TMED3: variants seen among roughly 807,000 people sequenced by gnomAD.
The protein encoded by TMED3 is transmembrane emp24 domain-containing protein 3.
In TMED3, 9 loss-of-function variants were observed where a neutral mutation model predicts 15.0. That is an observed-to-expected ratio of 0.60 (90% CI 0.36 to 1.04). The LOEUF (loss-of-function observed/expected upper bound fraction) is 1.04, where lower values mean the gene tolerates loss of function less well. TMED3 is among the 50% of genes least tolerant of loss of function. The probability of loss-of-function intolerance (pLI) is 0.01; values close to 1 mark genes in which losing one functional copy is unlikely to be tolerated. For synonymous variants in TMED3, 117 were observed against 121.4 expected, an observed-to-expected ratio of 0.96 and a Z score of 0.24; for missense variants, 267 against 278.9, an observed-to-expected ratio of 0.96 and a Z score of 0.30.
chr15:79,366,633 G>A (rs139453852), intron 2 of TMED3, among the ~76,000 whole-genome samples: 7 of 152,308 alleles, frequency 4.6e-5, no homozygotes, highest in Admixed American at 3.9e-4. Flanking sequence ...GTGCCCAGCA[G>A]GCTCCTAAGA....
At position 79,376,092 on chromosome 15, in the gene TMED3, GTTTTTTTTTTTTTTTTTTTT is replaced by G. The variant is rs199728545; in HGVS notation, c.418-35292_418-35273del. Among the ~76,000 whole-genome samples, 77 of 112,078 alleles carry G rather than the reference GTTTTTTTTTTTTTTTTTTTT, an allele frequency of 6.9e-4. 1 individual carries two copies. The highest frequency in any genetic ancestry group is 1.5e-3 in the South Asian group (5 of 3,424). The allele number at this position is 112,078 out of a possible 152,430, so 73.5% of individuals were successfully genotyped here. ...CTTACTTCATCTATTCTAGAGAAAG[GTTTTTTTTTTTTTTTTTTTT>G]TTTTTTTTTTTTTTTGAGACGAAGT... On this transcript the variant is annotated intron_variant, in intron 2 of 2. Transcript: ENST00000424155.
intron 2 of TMED3, among the ~76,000 whole-genome samples, chr15:79,334,982 TC>T (rs2058822216): frequency 6.6e-6 from 1 of 151,962 alleles, no homozygotes; most frequent in South Asian, 2.1e-4. Flanking sequence ...ACTGCTGAAA[TC>T]AAGGGAGGGA....
intron 2 of TMED3, among the ~76,000 whole-genome samples, chr15:79,393,861 A>G (rs2141254700): frequency 6.6e-6 from 1 of 151,736 alleles, no homozygotes; most frequent in South Asian, 2.1e-4. Flanking sequence ...TTGCCCAACT[A>G]ATTTTTTAAA....
intron 2 of TMED3, among the ~76,000 whole-genome samples, chr15:79,364,045 A>G (rs1893181807): frequency 6.6e-6 from 1 of 152,216 alleles, no homozygotes; most frequent in Non-Finnish European, 1.5e-5. Flanking sequence ...CAACCAGGAA[A>G]AATTAGGCAT....
At chr15:79,408,152 A>G (rs962691403) in intron 2 of TMED3, among the ~76,000 whole-genome samples, 4 of 152,242 alleles carry the variant, frequency 2.6e-5, no homozygotes, top group Non-Finnish European at 5.9e-5. Flanking sequence ...CAAGGAAAAC[A>G]TTCTTCATCT....
chr15:79,398,552 G>A (rs1431487827), intron 2 of TMED3, among the ~76,000 whole-genome samples: 1 of 147,738 alleles, frequency 6.8e-6, no homozygotes, highest in East Asian at 2.1e-4. Flanking sequence ...CTGAGAACGG[G>A]AAGCTGTGAG....
At chr15:79,401,907 A>C (rs56159876) in intron 2 of TMED3, among the ~76,000 whole-genome samples, 5,073 of 152,212 alleles carry the variant, frequency 0.033, 272 homozygotes, top group African/African-American at 0.11. Flanking sequence ...GTCACTTTGG[A>C]GGAGGCATTC....
At chr15:79,346,851 A>G (rs1414121355) in intron 2 of TMED3, among the ~76,000 whole-genome samples, 2 of 152,104 alleles carry the variant, frequency 1.3e-5, no homozygotes, top group Non-Finnish European at 2.9e-5. Context: ...TACTTGAAAC[A>G]TCATCAATAA....
intron 2 of TMED3, among the ~76,000 whole-genome samples, chr15:79,344,086 G>A (rs1209203247): frequency 6.6e-6 from 1 of 152,174 alleles, no homozygotes. Context: ...AGACAGAAAA[G>A]CAGGTCTAGA....
intron 2 of TMED3, among the ~76,000 whole-genome samples, chr15:79,347,797 A>C (rs1416341864): frequency 1.3e-5 from 2 of 152,238 alleles, no homozygotes; most frequent in Non-Finnish European, 2.9e-5. Context: ...CCACAAAAAG[A>C]ATAAATACCT....
At chr15:79,396,258 TG>T (rs1024643448) in intron 2 of TMED3, among the ~76,000 whole-genome samples, 3 of 152,212 alleles carry the variant, frequency 2.0e-5, no homozygotes, top group Admixed American at 6.5e-5. Context: ...CAACATTTGG[TG>T]GTATAAAGCA....
downstream of TMED3, among the ~76,000 whole-genome samples, chr15:79,324,077 C>A (rs983953601): frequency 3.3e-5 from 5 of 152,110 alleles, no homozygotes; most frequent in Admixed American, 1.3e-4. Context: ...AGCAACCTCC[C>A]CCTCCTGGGT....
chr15:79,356,074 TTGTC>T (rs71451764), intron 2 of TMED3, among the ~76,000 whole-genome samples: 14,216 of 152,166 alleles, frequency 0.093, 702 homozygotes, highest in Admixed American at 0.12. Flanking sequence ...GACATTCTGA[TTGTC>T]TGTTTGCCCA....
chr15:79,319,762 G>T (rs2058756634), intron 2 of TMED3, among the ~76,000 whole-genome samples: 2 of 152,194 alleles, frequency 1.3e-5, no homozygotes, highest in African/African-American at 2.4e-5. Context: ...CCACTGGACA[G>T]GGGGCCCTTC....
At chr15:79,389,076 A>G (rs1893664558) in intron 2 of TMED3, among the ~76,000 whole-genome samples, 1 of 152,186 alleles carries the variant, frequency 6.6e-6, no homozygotes, top group Admixed American at 6.5e-5. Flanking sequence ...TTTGCTGTGC[A>G]AAAGCTATTT....
chr15:79,410,394 G>T (rs141310573), intron 2 of TMED3, among the ~76,000 whole-genome samples: 5 of 152,128 alleles, frequency 3.3e-5, no homozygotes, highest in Non-Finnish European at 7.3e-5. Flanking sequence ...AGAGGGTGAC[G>T]CTGTCATCTA....
intron 2 of TMED3, among the ~76,000 whole-genome samples, chr15:79,396,791 T>G (rs1893768428): frequency 2.0e-5 from 3 of 152,260 alleles, no homozygotes; most frequent in African/African-American, 7.2e-5. Flanking sequence ...ATTCTGAGTT[T>G]CAAGGACTTA....
intron 2 of TMED3, among the ~76,000 whole-genome samples, chr15:79,405,419 T>C (rs1192302475): frequency 6.6e-6 from 1 of 152,188 alleles, no homozygotes; most frequent in Non-Finnish European, 1.5e-5. Context: ...TAGAGAATCC[T>C]CTCTCACTCG....
intron 2 of TMED3, among the ~76,000 whole-genome samples, chr15:79,403,444 C>G (rs1226666332): frequency 6.6e-6 from 1 of 151,988 alleles, no homozygotes; most frequent in Non-Finnish European, 1.5e-5. Context: ...GGAACTCTAA[C>G]TTTTCTTACC....
Sources: allele counts gnomAD v4.1 joint callset (sites outside exome capture counted in the v4.1 genomes callset), GRCh38; gene constraint gnomAD v4.1.1; transcripts MANE v1.5; gene names NCBI Gene and HGNC (gene_info 2026-07-23, HGNC 2026-07-21).